DIAPH3: variants seen among roughly 807,000 people sequenced by gnomAD.
The protein encoded by DIAPH3 is diaphanous related formin 3.
In DIAPH3, 117 loss-of-function variants were observed where a neutral mutation model predicts 144.3. That is an observed-to-expected ratio of 0.81 (90% confidence interval 0.70 to 0.95). DIAPH3 has a LOEUF of 0.95. Ranked by LOEUF, DIAPH3 falls within the 40% of genes least tolerant of loss-of-function variation. DIAPH3 has a pLI of 0.00. For missense variants in DIAPH3, 1,421 were observed against 1,412.7 expected (o/e 1.01, Z -0.09); for synonymous variants, 519 against 488.9 (o/e 1.06, Z -0.81).
At chr13:60,158,926 A>C (rs940648329) in intron 1 of DIAPH3, among the ~76,000 whole-genome samples, 1 of 151,568 alleles carries the variant, frequency 6.6e-6, no homozygotes, top group African/African-American at 2.4e-5. Context: ...AAAAAAAAAA[A>C]AAAAAACCAA....
chr13:60,077,077 A>G (rs2057404058), intron 4 of DIAPH3, among the ~76,000 whole-genome samples: 1 of 152,106 alleles, frequency 6.6e-6, no homozygotes, highest in Non-Finnish European at 1.5e-5. Context: ...TTTGATTTTA[A>G]TAATTTTAAA....
At chr13:60,034,389 C>G (rs548009920) in intron 5 of DIAPH3, 29 of 152,224 alleles carry the variant, frequency 1.9e-4, no homozygotes, top group African/African-American at 6.7e-4. Flanking sequence ...ACTCTACCTT[C>G]TGTTGTTGTC....
intron 4 of DIAPH3, among the ~76,000 whole-genome samples, chr13:60,049,114 A>C (rs951670068): frequency 1.1e-4 from 17 of 152,222 alleles, no homozygotes; most frequent in Non-Finnish European, 2.1e-4. Flanking sequence ...TAAATGCAAC[A>C]AGACAAAGGA....
intron 4 of DIAPH3, among the ~76,000 whole-genome samples, chr13:60,071,382 A>G (rs1397750416): frequency 6.6e-6 from 1 of 152,198 alleles, no homozygotes; most frequent in Non-Finnish European, 1.5e-5. Flanking sequence ...AAGTCCCACT[A>G]TCCTTTTTCA....
chr13:60,091,506 C>T (rs2057931605), intron 4 of DIAPH3, among the ~76,000 whole-genome samples: 1 of 152,084 alleles, frequency 6.6e-6, no homozygotes, highest in African/African-American at 2.4e-5. Context: ...CTATGTTGCC[C>T]AGGCTGGTCT....
chr13:60,051,395 G>A (rs895565838), intron 4 of DIAPH3, among the ~76,000 whole-genome samples: 7 of 152,132 alleles, frequency 4.6e-5, no homozygotes, highest in Non-Finnish European at 1.0e-4. Context: ...TAAGACGGGT[G>A]GATCATCTGA....
chr13:60,118,093 C>T (rs2058743929), intron 2 of DIAPH3, among the ~76,000 whole-genome samples: 1 of 152,050 alleles, frequency 6.6e-6, no homozygotes, highest in South Asian at 2.1e-4. Context: ...GTCTGGGGTA[C>T]ACTAAGTTTT....
intron 23 of DIAPH3, among the ~76,000 whole-genome samples, chr13:59,834,944 T>G (rs1471115144): frequency 1.3e-5 from 2 of 151,726 alleles, no homozygotes; most frequent in African/African-American, 4.8e-5. Flanking sequence ...TGTGTTTACA[T>G]GCATTGAACC....
In DIAPH3 at chr13:60,082,167, A is replaced by C. The variant is rs189552709; in HGVS notation, c.495+11461T>G. Among the ~76,000 whole-genome samples the C allele has an allele frequency of 4.9e-3, 745 of 152,166 alleles. 3 individuals carry two copies. Among genetic ancestry groups the C allele is most frequent in the Non-Finnish European group, 8.3e-3 (567 of 67,962 alleles). ...TCAAGAAAAAAATAGAAATAAAAAA[A>C]TCATTTCAGAAATAAAAACTAACAA... is the stretch of plus-strand genomic sequence containing the variant. On this transcript the variant is annotated intron_variant, in intron 4 of 27. Transcript: ENST00000400324.
intron 12 of DIAPH3, among the ~76,000 whole-genome samples, chr13:59,989,056 TCTA>T (rs1479331753): frequency 1.3e-5 from 2 of 151,864 alleles, no homozygotes; most frequent in Non-Finnish European, 2.9e-5. Context: ...AATAGAACAA[TCTA>T]CTGTTTGTAA....
At chr13:59,862,422 A>C (rs1212874721) in intron 21 of DIAPH3, among the ~76,000 whole-genome samples, 1 of 152,186 alleles carries the variant, frequency 6.6e-6, no homozygotes, top group Non-Finnish European at 1.5e-5. Context: ...AAGAGTACTA[A>C]GAGAAGCATG....
intron 27 of DIAPH3, among the ~76,000 whole-genome samples, chr13:59,734,456 GAGT>G (rs1284840100): frequency 7.9e-5 from 12 of 152,070 alleles, no homozygotes; most frequent in Non-Finnish European, 1.5e-4. Flanking sequence ...TTGAATTGAT[GAGT>G]AGATTTACCC....
chr13:59,861,129 A>C (rs1593719758), intron 22 of DIAPH3: 1 of 1,000,506 alleles, frequency 1.0e-6, no homozygotes, highest in East Asian at 2.7e-5. Context: ...CAGGAGATTT[A>C]GCAGTAGAAG....
intron 27 of DIAPH3, among the ~76,000 whole-genome samples, chr13:59,668,384 G>T (rs1405159594): frequency 6.6e-6 from 1 of 152,126 alleles, no homozygotes; most frequent in African/African-American, 2.4e-5. Flanking sequence ...TTGATTTCCT[G>T]CAAACCACTA....
intron 17 of DIAPH3, among the ~76,000 whole-genome samples, chr13:59,932,283 G>A (rs781756197): frequency 1.6e-4 from 24 of 152,014 alleles, no homozygotes; most frequent in Non-Finnish European, 2.8e-4. Flanking sequence ...ACAAGTAACC[G>A]TAAATTTTAA....
At chr13:59,782,345 A>C (rs2038783743) in intron 25 of DIAPH3, among the ~76,000 whole-genome samples, 3 of 152,104 alleles carry the variant, frequency 2.0e-5, no homozygotes, top group South Asian at 4.1e-4. Flanking sequence ...GAACTCAGTA[A>C]TGTCTAAAAT....
intron 27 of DIAPH3, among the ~76,000 whole-genome samples, chr13:59,705,623 G>A (rs186186421): frequency 2.0e-5 from 3 of 152,232 alleles, no homozygotes; most frequent in African/African-American, 7.2e-5. Context: ...AAATACAGAA[G>A]CATGAAAATA....
chr13:59,937,976 T>A (rs192634954), intron 17 of DIAPH3, among the ~76,000 whole-genome samples: 1 of 152,178 alleles, frequency 6.6e-6, no homozygotes, highest in African/African-American at 2.4e-5. Context: ...TACGTAGTTA[T>A]CCTGTCTCTC....
intron 27 of DIAPH3, among the ~76,000 whole-genome samples, chr13:59,680,997 C>G (rs868392842): frequency 1.3e-5 from 2 of 152,134 alleles, no homozygotes; most frequent in African/African-American, 2.4e-5. Context: ...ACGAACCTTC[C>G]GATCTGAATC....
Sources: gnomAD v4.1 joint callset for allele counts (sites outside exome capture counted in the v4.1 genomes callset) on GRCh38, gnomAD v4.1.1 for gene constraint, MANE v1.5 for transcripts, NCBI Gene and HGNC (gene_info 2026-07-23, HGNC 2026-07-21) for gene names.